RARB: variants seen among roughly 807,000 people sequenced by gnomAD.
RARB encodes HBV-activated protein.
Under a neutral mutation model 51.9 loss-of-function variants are expected in RARB, and 17 were observed. The ratio of observed to expected loss-of-function variants is 0.33; its 90% CI spans 0.22 to 0.49. RARB has a LOEUF of 0.49. Among genes scored for constraint, RARB ranks in the 20% least tolerant of loss-of-function variants. RARB has a pLI of 0.99. For synonymous variants in RARB, 215 were observed against 195.4 expected, an observed-to-expected ratio of 1.10 and a Z score of -0.84; for missense variants, 369 against 550.8, an observed-to-expected ratio of 0.67 and a Z score of 3.30.
At chr3:25,153,158 G>GTGTGTGTGTGTGTGTC (rs1195494121) in intron 4 of RARB, among the ~76,000 whole-genome samples, 1 of 151,952 alleles carries the variant, frequency 6.6e-6, no homozygotes, top group South Asian at 2.1e-4. Context: ...GTGTGTGTGT[G>GTGTGTGTGTGTGTGTC]TGCATGCGTG....
intron 4 of RARB, among the ~76,000 whole-genome samples, chr3:25,143,597 G>C (rs572086691): frequency 1.3e-5 from 2 of 152,068 alleles, no homozygotes; most frequent in African/African-American, 2.4e-5. Context: ...ATGCCCACAC[G>C]GTGCCCTGGT....
intron 5 of RARB, among the ~76,000 whole-genome samples, chr3:25,382,870 A>G (rs190106045): frequency 1.4e-5 from 2 of 140,656 alleles, no homozygotes; most frequent in African/African-American, 6.5e-5. Context: ...ACAAATAAAC[A>G]AAAAAAAGTA....
At chr3:25,116,689 A>G (rs1463193814) in intron 3 of RARB, among the ~76,000 whole-genome samples, 1 of 152,058 alleles carries the variant, frequency 6.6e-6, no homozygotes, top group Non-Finnish European at 1.5e-5. Flanking sequence ...AGTAAATGGT[A>G]TCTTTGAATT....
At chr3:24,922,526 T>C (rs758714685) in intron 2 of RARB, among the ~76,000 whole-genome samples, 13 of 152,104 alleles carry the variant, frequency 8.5e-5, no homozygotes, top group Non-Finnish European at 1.8e-4. Flanking sequence ...GAAACTGAGT[T>C]TGACAGAAGT....
chr3:24,966,581 C>G (rs552646973), intron 2 of RARB, among the ~76,000 whole-genome samples: 7 of 151,012 alleles, frequency 4.6e-5, no homozygotes, highest in African/African-American at 9.8e-5. Flanking sequence ...CTACCATCAT[C>G]TGTGTCTGAC....
chr3:25,025,910 T>C (rs1044033342), intron 2 of RARB, among the ~76,000 whole-genome samples: 3 of 152,282 alleles, frequency 2.0e-5, no homozygotes, highest in South Asian at 2.1e-4. Flanking sequence ...TTGAATCATA[T>C]AACATTGCTA....
intron 1 of RARB, among the ~76,000 whole-genome samples, chr3:25,450,424 A>G (rs1284078363): frequency 6.6e-6 from 1 of 152,166 alleles, no homozygotes; most frequent in Non-Finnish European, 1.5e-5. Flanking sequence ...ATCAGGAAGG[A>G]TAAGTGACTG....
At chr3:25,172,505 T>C (rs1046655776) in intron 4 of RARB, among the ~76,000 whole-genome samples, 2 of 152,198 alleles carry the variant, frequency 1.3e-5, no homozygotes, top group Non-Finnish European at 2.9e-5. Flanking sequence ...GATTAGAACA[T>C]TGTAGGGTTT....
chr3:24,889,755 A>G (rs1367007049), intron 2 of RARB, among the ~76,000 whole-genome samples: 1 of 150,188 alleles, frequency 6.7e-6, no homozygotes, highest in Non-Finnish European at 1.5e-5. Context: ...TAATTTTTAA[A>G]GTATGTGAGT....
At chr3:25,449,998 C>T (rs574932658) in intron 1 of RARB, among the ~76,000 whole-genome samples, 15 of 152,082 alleles carry the variant, frequency 9.9e-5, no homozygotes, top group South Asian at 2.1e-4. Flanking sequence ...GTGATCCACC[C>T]GCCACAACCT....
chr3:24,888,157 A>G (rs1703299773), intron 2 of RARB, among the ~76,000 whole-genome samples: 1 of 152,332 alleles, frequency 6.6e-6, no homozygotes, highest in South Asian at 2.1e-4. Flanking sequence ...CCCTTTTCAC[A>G]TATCCTGAAA....
rs1391992611 is a variant in RARB, at chr3:25,057,034, G to A, written c.-379-3091G>A. On this transcript the variant is annotated intron_variant, in intron 2 of 11. Coordinates refer to the RARB transcript ENST00000383772. ...TGGCACTCCCCAGTATGTTTCCCATGTTCCTTGGGATTTCTGCCATGATTC... is the reference window on the plus strand; with the variant it reads ...TGGCACTCCCCAGTATGTTTCCCATATTCCTTGGGATTTCTGCCATGATTC... 2.6e-5 allele frequency among the ~76,000 whole-genome samples: 4 copies of A among 152,064 alleles called. No individual in the cohort carries two copies. The East Asian group carries it at 5.8e-4, about 22-fold the overall frequency.
At chr3:24,855,322 G>A (rs1702617334) in intron 1 of RARB, among the ~76,000 whole-genome samples, 1 of 152,170 alleles carries the variant, frequency 6.6e-6, no homozygotes, top group Non-Finnish European at 1.5e-5. Flanking sequence ...GTGTATGTCT[G>A]GTGGGTTCAG....
intron 3 of RARB, among the ~76,000 whole-genome samples, chr3:25,539,454 T>G (rs917092970): frequency 1.3e-5 from 2 of 151,544 alleles, no homozygotes; most frequent in African/African-American, 2.4e-5. Context: ...TCTAACTGTT[T>G]CAGTGGTCGC....
intron 2 of RARB, among the ~76,000 whole-genome samples, chr3:24,907,224 CA>C (rs1296773797): frequency 6.6e-5 from 10 of 152,140 alleles, no homozygotes; most frequent in Non-Finnish European, 1.3e-4. Context: ...CAAACTTTAG[CA>C]TCAGAATCAC....
At chr3:24,868,572 C>G (rs1360672338) in intron 2 of RARB, among the ~76,000 whole-genome samples, 1 of 152,052 alleles carries the variant, frequency 6.6e-6, no homozygotes, top group African/African-American at 2.4e-5. Flanking sequence ...TAGTTCAGGC[C>G]ATGATGGGAA....
chr3:25,259,492 A>T (rs548394174), intron 5 of RARB, among the ~76,000 whole-genome samples: 1 of 152,150 alleles, frequency 6.6e-6, no homozygotes, highest in African/African-American at 2.4e-5. Flanking sequence ...CTGGATGTCA[A>T]TGTCCAAGGT....
intron 5 of RARB, among the ~76,000 whole-genome samples, chr3:25,270,469 G>A (rs1375965563): frequency 2.0e-5 from 3 of 151,998 alleles, no homozygotes; most frequent in African/African-American, 7.2e-5. Context: ...TGTTAAAATG[G>A]TAAAAATGTT....
chr3:25,096,028 T>C (rs1699287015), intron 3 of RARB, among the ~76,000 whole-genome samples: 1 of 152,206 alleles, frequency 6.6e-6, no homozygotes. Context: ...TTCCCATTAC[T>C]GGACTGCTTA....
Sources: allele counts gnomAD v4.1 joint callset (sites outside exome capture counted in the v4.1 genomes callset), GRCh38; gene constraint gnomAD v4.1.1; transcripts MANE v1.5; gene names NCBI Gene and HGNC (gene_info 2026-07-23, HGNC 2026-07-21).